PTPRN2: variants seen among roughly 807,000 people sequenced by gnomAD.
PTPRN2 encodes the protein protein tyrosine phosphatase receptor type N2, also known as receptor-type tyrosine-protein phosphatase N2.
A neutral mutation model predicts 118.8 loss-of-function variants in PTPRN2; 74 were observed. The observed-to-expected ratio is 0.62, with a 90% confidence interval of 0.52 to 0.76. The LOEUF (loss-of-function observed/expected upper bound fraction) is 0.76, where lower values mean the gene tolerates loss of function less well. Among genes scored for constraint, PTPRN2 ranks in the 30% least tolerant of loss-of-function variants. The pLI, the probability that PTPRN2 is intolerant of heterozygous loss-of-function variation, is 0.00. For synonymous variants in PTPRN2, 641 were observed against 608.0 expected (o/e 1.05, Z -0.80); for missense variants, 1,481 against 1,394.4 (o/e 1.06, Z -0.99).
Position 158,525,297 on chromosome 7 carries a change from G to A in PTPRN2, c.113-35512C>T, listed in dbSNP as rs749149350. ...TGGGCATCTGCCAAGGAGAACACAC[G>A]GCCCCCTAATGTGCAACAAAACCGT... On this transcript the variant is annotated intron_variant, in intron 1 of 22. Transcript: ENST00000389418. The surrounding 1 kb of genome is among the most constrained non-coding windows in gnomAD (Gnocchi z 4.1). Among the ~76,000 whole-genome samples, 4 of 152,270 alleles carry A rather than the reference G, an allele frequency of 2.6e-5. No individual in the cohort carries two copies. Among genetic ancestry groups the A allele is most frequent in the Non-Finnish European group, 4.4e-5 (3 of 68,026 alleles).
chr7:158,389,932 C>T (rs1811796361), intron 2 of PTPRN2, among the ~76,000 whole-genome samples: 1 of 152,238 alleles, frequency 6.6e-6, no homozygotes, highest in Non-Finnish European at 1.5e-5. Context: ...GGTGAGGCAG[C>T]CCCAGGTGCT....
chr7:157,836,761 T>A (rs1383527089), intron 12 of PTPRN2, among the ~76,000 whole-genome samples: 1 of 152,172 alleles, frequency 6.6e-6, no homozygotes, highest in Non-Finnish European at 1.5e-5. Flanking sequence ...TTGGCCTATG[T>A]CATGACCATG....
At chr7:157,888,283 G>A (rs1345716741) in intron 12 of PTPRN2, among the ~76,000 whole-genome samples, 3 of 152,000 alleles carry the variant, frequency 2.0e-5, no homozygotes, top group Non-Finnish European at 2.9e-5. Flanking sequence ...TGTTACCTTC[G>A]CAAGCTCAGC....
At chr7:158,459,596 T>A (rs1260479077) in intron 2 of PTPRN2, among the ~76,000 whole-genome samples, 2 of 152,188 alleles carry the variant, frequency 1.3e-5, no homozygotes, top group African/African-American at 4.8e-5. Flanking sequence ...CACACATGAC[T>A]CGGAGAAAGG....
chr7:157,950,599 G>A (rs1800747092), intron 11 of PTPRN2, among the ~76,000 whole-genome samples: 1 of 152,174 alleles, frequency 6.6e-6, no homozygotes, highest in Non-Finnish European at 1.5e-5. Flanking sequence ...TTTCTCTGAC[G>A]TCTCTAGATT....
At chr7:157,542,206 C>T (rs887764721) in intron 22 of PTPRN2, among the ~76,000 whole-genome samples, 1 of 152,334 alleles carries the variant, frequency 6.6e-6, no homozygotes, top group Non-Finnish European at 1.5e-5. Flanking sequence ...GCCCCTCCCA[C>T]ACCAAGTGTG....
chr7:157,650,843 C>G (rs1805605583), intron 14 of PTPRN2, among the ~76,000 whole-genome samples: 1 of 152,232 alleles, frequency 6.6e-6, no homozygotes, highest in Non-Finnish European at 1.5e-5. Flanking sequence ...CGAGGCCCTC[C>G]TGGTTCGGTG....
At chr7:157,891,975 C>G (rs950376317) in intron 12 of PTPRN2, among the ~76,000 whole-genome samples, 1 of 152,240 alleles carries the variant, frequency 6.6e-6, no homozygotes, top group African/African-American at 2.4e-5. Flanking sequence ...CTTGTTCACG[C>G]TCCTGAGCCT....
intron 12 of PTPRN2, among the ~76,000 whole-genome samples, chr7:157,756,109 G>C (rs1801763415): frequency 6.6e-6 from 1 of 152,104 alleles, no homozygotes; most frequent in South Asian, 2.1e-4. Context: ...AAAAACAGTA[G>C]GAAATGCCAG....
intron 11 of PTPRN2, among the ~76,000 whole-genome samples, chr7:158,048,568 A>G (rs1160385717): frequency 8.9e-6 from 1 of 112,202 alleles, no homozygotes; most frequent in Non-Finnish European, 2.3e-5. Context: ...CACCATCACT[A>G]TCATCATCAT....
chr7:157,670,259 C>G (rs748992646), intron 13 of PTPRN2, among the ~76,000 whole-genome samples: 14 of 152,300 alleles, frequency 9.2e-5, no homozygotes, highest in Admixed American at 9.1e-4. Flanking sequence ...TCACGGGACC[C>G]GCGGTCAGCT....
chr7:158,460,796 T>C (rs560557902), intron 2 of PTPRN2, among the ~76,000 whole-genome samples: 1 of 152,376 alleles, frequency 6.6e-6, no homozygotes, highest in Admixed American at 6.5e-5. Context: ...CTGATGTTGA[T>C]GCAAGAAATG....
At chr7:158,162,042 A>G (rs1375528218) in intron 6 of PTPRN2, among the ~76,000 whole-genome samples, 1 of 152,156 alleles carries the variant, frequency 6.6e-6, no homozygotes, top group Non-Finnish European at 1.5e-5. Flanking sequence ...AGACACCACC[A>G]CACACCTCTC....
At chr7:158,406,624 G>C (rs942095829) in intron 2 of PTPRN2, among the ~76,000 whole-genome samples, 3 of 152,232 alleles carry the variant, frequency 2.0e-5, no homozygotes, top group Non-Finnish European at 4.4e-5. Flanking sequence ...GCGGACCTGA[G>C]TCCTGCTGCA....
At chr7:158,307,245 T>C (rs141171034) in intron 3 of PTPRN2, among the ~76,000 whole-genome samples, 12 of 152,232 alleles carry the variant, frequency 7.9e-5, no homozygotes, top group Admixed American at 4.6e-4. Flanking sequence ...GAAAATAGTG[T>C]CTCATCAAAT....
At chr7:157,595,413 C>A in intron 16 of PTPRN2, 98 bp from the exon 17 acceptor site, 1 of 1,164,394 alleles carries the variant, frequency 8.6e-7, no homozygotes, top group East Asian at 2.4e-5. Flanking sequence ...GTTAGGAAAC[C>A]CGGAGGTTAG....
At chr7:158,329,931 TG>T (rs1290738840) in intron 2 of PTPRN2, among the ~76,000 whole-genome samples, 4 of 152,034 alleles carry the variant, frequency 2.6e-5, no homozygotes, top group Non-Finnish European at 5.9e-5. Flanking sequence ...TGTCCTATTC[TG>T]CAACCAACTC....
chr7:158,227,791 G>A (rs1037599357), intron 3 of PTPRN2, among the ~76,000 whole-genome samples: 3 of 152,288 alleles, frequency 2.0e-5, no homozygotes, highest in Admixed American at 6.5e-5. Context: ...AGAAGATGAC[G>A]TGAAGTCAAT....
At position 158,546,178 on chromosome 7, in the gene PTPRN2, C is replaced by A. The variant is rs1415959729; in HGVS notation, c.112+41380G>T. ...CATGAGGACAGGAAGGGGGAAGGGG[C>A]TGGACACGGCCTGTCTCCTCCCTGA... On this transcript the variant is annotated intron_variant, in intron 1 of 22. Coordinates refer to ENST00000389418, the MANE Select transcript of PTPRN2 (RefSeq NM_002847.5). This position sits in a 1 kb window ranked among gnomAD's most constrained non-coding sequence, Gnocchi z 5.0. Among the ~76,000 whole-genome samples the A allele has an allele frequency of 6.6e-6, 1 of 152,144 alleles. No individual in the cohort carries two copies. Among genetic ancestry groups the A allele is most frequent in the Non-Finnish European group, 1.5e-5 (1 of 68,022 alleles).
Sources: allele counts gnomAD v4.1 joint callset (sites outside exome capture counted in the v4.1 genomes callset), GRCh38; gene constraint gnomAD v4.1.1; non-coding constraint Gnocchi (gnomAD v3.1); transcripts MANE v1.5; gene names NCBI Gene and HGNC (gene_info 2026-07-23, HGNC 2026-07-21).